Variants in PCSK5 observed in about 807,000 individuals in gnomAD.
PCSK5 encodes prohormone convertase 5.
A neutral mutation model predicts 233.2 loss-of-function variants in PCSK5; 129 were observed. That is an observed-to-expected ratio of 0.55 (90% CI 0.48 to 0.64). The LOEUF is 0.64. Among genes scored for constraint, PCSK5 ranks in the 30% least tolerant of loss-of-function variants. The pLI, the probability that PCSK5 is intolerant of heterozygous loss-of-function variation, is 0.00. For synonymous variants in PCSK5, 825 were observed against 879.2 expected, an observed-to-expected ratio of 0.94 and a Z score of 1.09; for missense variants, 2,076 against 2,430.1, an observed-to-expected ratio of 0.85 and a Z score of 3.06.
intron 24 of PCSK5, among the ~76,000 whole-genome samples, chr9:76,272,721 G>A (rs1470413829): frequency 7.9e-6 from 1 of 127,096 alleles, no homozygotes; most frequent in Non-Finnish European, 1.6e-5. Flanking sequence ...ATTGCAGTGA[G>A]CCGAGATCAC....
chr9:76,254,710 T>C (rs1213739380), intron 24 of PCSK5, among the ~76,000 whole-genome samples: 1 of 152,236 alleles, frequency 6.6e-6, no homozygotes, highest in Non-Finnish European at 1.5e-5. Flanking sequence ...TATTCGCCCA[T>C]ATAAGACACG....
At chr9:76,346,642 A>G (rs76670358) in intron 35 of PCSK5, among the ~76,000 whole-genome samples, 2,012 of 152,180 alleles carry the variant, frequency 0.013, 44 homozygotes, top group African/African-American at 0.045. Flanking sequence ...ACTATAGCAC[A>G]TATGTCCCTT....
At chr9:76,301,701 A>T (rs1564167347) in intron 27 of PCSK5, among the ~76,000 whole-genome samples, 1 of 152,136 alleles carries the variant, frequency 6.6e-6, no homozygotes. Context: ...AATACTAGCC[A>T]GGCATGGCGG....
chr9:76,302,460 G>A (rs1263302406), intron 28 of PCSK5, among the ~76,000 whole-genome samples: 2 of 152,152 alleles, frequency 1.3e-5, no homozygotes, highest in African/African-American at 4.8e-5. Flanking sequence ...GGATATTCGT[G>A]ACGAGCTAAA....
At chr9:76,213,416 G>A (rs1258109840) in intron 20 of PCSK5, among the ~76,000 whole-genome samples, 1 of 152,074 alleles carries the variant, frequency 6.6e-6, no homozygotes, top group Non-Finnish European at 1.5e-5. Flanking sequence ...CTGGGGACAG[G>A]GTAAATAAAG....
intron 3 of PCSK5, among the ~76,000 whole-genome samples, chr9:76,005,319 A>T (rs1827430954): frequency 6.6e-6 from 1 of 152,036 alleles, no homozygotes; most frequent in Non-Finnish European, 1.5e-5. Context: ...AGTTAGGTTA[A>T]TTTTCTTCTG....
chr9:76,083,840 T>C (rs535669053), intron 7 of PCSK5, among the ~76,000 whole-genome samples: 3 of 152,238 alleles, frequency 2.0e-5, no homozygotes, highest in East Asian at 1.9e-4. Context: ...ATGAAAGCAG[T>C]AGTAATAATC....
intron 5 of PCSK5, among the ~76,000 whole-genome samples, chr9:76,064,585 C>CG (rs1233977629): frequency 6.9e-6 from 1 of 145,680 alleles, no homozygotes; most frequent in East Asian, 2.1e-4. Flanking sequence ...GGGGTGGCTG[C>CG]CGGGCGGAGA....
intron 24 of PCSK5, among the ~76,000 whole-genome samples, chr9:76,249,830 C>T (rs1203491770): frequency 6.6e-6 from 1 of 152,012 alleles, no homozygotes; most frequent in Non-Finnish European, 1.5e-5. Flanking sequence ...CTCTCACTGG[C>T]CTAAGCTGGA....
chr9:76,055,124 A>G (rs1364873483), intron 5 of PCSK5, among the ~76,000 whole-genome samples: 2 of 152,188 alleles, frequency 1.3e-5, no homozygotes, highest in African/African-American at 4.8e-5. Context: ...CTCTATTGCT[A>G]AGTAGAAAAA....
At chr9:75,905,880 C>T (rs1249055187) in intron 1 of PCSK5, among the ~76,000 whole-genome samples, 2 of 152,144 alleles carry the variant, frequency 1.3e-5, no homozygotes, top group Admixed American at 6.5e-5. Context: ...AATTTTCTTC[C>T]GTGAAACCGG....
intron 24 of PCSK5, among the ~76,000 whole-genome samples, chr9:76,268,180 T>A (rs778875365): frequency 1.3e-5 from 2 of 152,216 alleles, no homozygotes; most frequent in Non-Finnish European, 2.9e-5. Context: ...GTTTCTTTCC[T>A]CTTGTTCATA....
At chr9:76,292,016 T>C (rs1445312988) in intron 24 of PCSK5, among the ~76,000 whole-genome samples, 1 of 152,174 alleles carries the variant, frequency 6.6e-6, no homozygotes, top group African/African-American at 2.4e-5. Flanking sequence ...GGCCAAGTGT[T>C]TATGAGAATT....
At chr9:76,111,098 C>A (rs1832194723) in intron 9 of PCSK5, among the ~76,000 whole-genome samples, 1 of 151,924 alleles carries the variant, frequency 6.6e-6, no homozygotes, top group Non-Finnish European at 1.5e-5. Context: ...CAGAGCAAGT[C>A]TCTGTCTCAA....
intron 1 of PCSK5, among the ~76,000 whole-genome samples, chr9:75,904,429 ACT>A (rs1409628464): frequency 1.3e-5 from 2 of 152,176 alleles, no homozygotes; most frequent in East Asian, 3.8e-4. Context: ...ATGAATTCTC[ACT>A]CTCAATAATA....
intron 24 of PCSK5, among the ~76,000 whole-genome samples, chr9:76,281,678 C>T (rs28866482): frequency 0.13 from 20,015 of 152,046 alleles, 1,820 homozygotes; most frequent in African/African-American, 0.26. Context: ...AAACAGGGTC[C>T]CACTCTGTCA....
At position 75,995,795 on chromosome 9, in the gene PCSK5, G is replaced by C. The variant is rs145961354; in HGVS notation, c.411+9550G>C. On this transcript the variant is annotated intron_variant, in intron 3 of 37. Coordinates refer to ENST00000674117, the MANE Select transcript of PCSK5 (RefSeq NM_001372043.1). ...CACACACACACACTCACACCTCTCT[G>C]ATCTTGTTCTCTTCCCAATGATAAT... Among the ~76,000 whole-genome samples, 187 of 141,278 alleles carry C rather than the reference G, an allele frequency of 1.3e-3. 2 individuals are homozygous for C. The highest frequency in any genetic ancestry group is 4.6e-3 in the African/African-American group (176 of 38,016). The allele number at this position is 141,278 out of a possible 152,430, so 92.7% of individuals were successfully genotyped here.
Position 76,171,541 on chromosome 9 carries a change from G to T in PCSK5, c.1756+1701G>T, listed in dbSNP as rs12336871. On this transcript the variant is annotated intron_variant, in intron 13 of 37. Coordinates refer to ENST00000674117, the MANE Select transcript of PCSK5 (RefSeq NM_001372043.1). Reference sequence around the variant, plus strand: ...TGATAAGCCCAGGCTGCTCCTAAGGGCTACTGGTTAACCATGCATTGCATC... The same window carrying T: ...TGATAAGCCCAGGCTGCTCCTAAGGTCTACTGGTTAACCATGCATTGCATC... Among the ~76,000 whole-genome samples the T allele has an allele frequency of 7.7e-3, 1,175 of 152,234 alleles. 14 individuals carry two copies. The highest frequency in any genetic ancestry group is 0.027 in the African/African-American group (1,125 of 41,538).
chr9:75,955,178 A>C (rs1825039071), intron 2 of PCSK5, among the ~76,000 whole-genome samples: 2 of 152,170 alleles, frequency 1.3e-5, no homozygotes, highest in African/African-American at 4.8e-5. Context: ...CTCTCTTTCT[A>C]GGAAACAGAC....
Sources: gnomAD v4.1 joint callset for allele counts (sites outside exome capture counted in the v4.1 genomes callset) on GRCh38, gnomAD v4.1.1 for gene constraint, MANE v1.5 for transcripts, NCBI Gene and HGNC (gene_info 2026-07-23, HGNC 2026-07-21) for gene names.